The following BARX2 variants were observed in gnomAD, a reference collection of about 807,000 sequenced individuals.
BARX2 encodes the protein BARX homeobox 2.
In BARX2, 11 loss-of-function variants were observed where a neutral mutation model predicts 25.5. The observed-to-expected ratio is 0.43, with a 90% CI of 0.27 to 0.71. The LOEUF (loss-of-function observed/expected upper bound fraction) is 0.71. BARX2 is among the 30% of genes least tolerant of loss of function. The probability of loss-of-function intolerance (pLI) is 0.19; values close to 1 mark genes in which losing one functional copy is unlikely to be tolerated. For missense variants in BARX2, 360 were observed against 359.9 expected, an observed-to-expected ratio of 1.00 and a Z score of 0.00; for synonymous variants, 137 against 149.5, an observed-to-expected ratio of 0.92 and a Z score of 0.61.
intron 1 of BARX2, among the ~76,000 whole-genome samples, chr11:129,409,844 A>G (rs1242329327): frequency 6.6e-6 from 1 of 152,126 alleles, no homozygotes; most frequent in Non-Finnish European, 1.5e-5. Flanking sequence ...ATATTCTGTT[A>G]TAGTCTTTTA....
chr11:129,430,950 T>C (rs986173785), intron 1 of BARX2, among the ~76,000 whole-genome samples: 1 of 152,102 alleles, frequency 6.6e-6, no homozygotes, highest in African/African-American at 2.4e-5. Flanking sequence ...CAACCTTCAC[T>C]TCCCGGGTTC....
chr11:129,420,799 A>G (rs1224012299), intron 1 of BARX2, among the ~76,000 whole-genome samples: 1 of 152,248 alleles, frequency 6.6e-6, no homozygotes, highest in East Asian at 1.9e-4. Flanking sequence ...TGTGCAAAGT[A>G]CAGGAAGAAC....
intron 1 of BARX2, among the ~76,000 whole-genome samples, chr11:129,433,426 C>T (rs1303000278): frequency 6.6e-6 from 1 of 152,152 alleles, no homozygotes; most frequent in Non-Finnish European, 1.5e-5. Flanking sequence ...ATCATGTCCT[C>T]CCTCAGCTCA....
chr11:129,443,621 T>C (rs1862289573), intron 3 of BARX2, among the ~76,000 whole-genome samples: 2 of 152,162 alleles, frequency 1.3e-5, no homozygotes, highest in South Asian at 4.1e-4. Flanking sequence ...ATGACCACAG[T>C]TTCCATCATC....
chr11:129,437,173 A>G (rs1330391235), intron 2 of BARX2, 122 bp downstream of exon 2: 2 of 1,105,842 alleles, frequency 1.8e-6, no homozygotes, highest in Non-Finnish European at 2.4e-6. Flanking sequence ...GGCGGAGTCC[A>G]CTCCTTGGCT....
intron 1 of BARX2, among the ~76,000 whole-genome samples, chr11:129,392,898 A>C (rs1861680121): frequency 6.6e-6 from 1 of 152,162 alleles, no homozygotes; most frequent in Non-Finnish European, 1.5e-5. Flanking sequence ...GGTGTGAGCC[A>C]CTGCGCCCGG....
upstream of BARX2, among the ~76,000 whole-genome samples, chr11:129,375,597 G>C (rs1322338702): frequency 6.6e-6 from 1 of 152,062 alleles, no homozygotes; most frequent in Non-Finnish European, 1.5e-5. The surrounding 1 kb of genome is among the most constrained non-coding windows in gnomAD (Gnocchi z 4.0). Context: ...CGGGGGGGAG[G>C]GGGAGGAGAG....
At chr11:129,447,010 C>T (rs373481536) in intron 3 of BARX2, among the ~76,000 whole-genome samples, 9 of 152,150 alleles carry the variant, frequency 5.9e-5, no homozygotes, top group Non-Finnish European at 1.3e-4. Flanking sequence ...AATAACCAGA[C>T]GTAGAACAGT....
At chr11:129,440,355 C>T (rs1591447436) in intron 2 of BARX2, among the ~76,000 whole-genome samples, 1 of 152,214 alleles carries the variant, frequency 6.6e-6, no homozygotes, top group African/African-American at 2.4e-5. Context: ...TTGACTAATG[C>T]ACCTGATGGC....
At chr11:129,449,823 A>C (rs1477264744) in intron 3 of BARX2, among the ~76,000 whole-genome samples, 2 of 152,192 alleles carry the variant, frequency 1.3e-5, no homozygotes, top group African/African-American at 4.8e-5. Context: ...GTAAACATGC[A>C]GTGACCATAG....
intron 1 of BARX2, among the ~76,000 whole-genome samples, chr11:129,388,864 A>G (rs957356020): frequency 6.6e-6 from 1 of 152,204 alleles, no homozygotes. Context: ...TGGGGTTTTG[A>G]GTCAGACGGT....
rs535374331 is a variant in BARX2, at chr11:129,437,042, C to A, written c.479C>A (p.Thr160Asn). The stretch of plus-strand genomic sequence containing the variant: ...TTCCAGAAGCAGAAGTATTTGTCAA[C>A]CCCAGACAGGTGAGGACGCAGGGAA... ...KKFQKQKYLSTPDRLDLAQSL... is the reference protein window; with the variant it reads ...KKFQKQKYLSNPDRLDLAQSL... The change falls in exon 2 of 4, where the codon ACC (threonine) becomes AAC (asparagine). Residue 160 changes from threonine to asparagine, a missense_variant. Coordinates refer to ENST00000281437, the MANE Select transcript of BARX2 (RefSeq NM_003658.5). The A allele has an allele frequency of 1.3e-6, 2 of 1,570,650 alleles. No individual in the cohort carries two copies. The highest frequency in any genetic ancestry group is 2.4e-5 in the South Asian group (2 of 85,102).
At chr11:129,438,303 CAG>C (rs1862216538) in intron 2 of BARX2, 2 of 132,422 alleles carry the variant, frequency 1.5e-5, no homozygotes, top group South Asian at 4.7e-4. Context: ...GCCTGGGCAA[CAG>C]AGCGAGACTC....
intron 1 of BARX2, among the ~76,000 whole-genome samples, chr11:129,422,184 A>G (rs1862012125): frequency 6.6e-6 from 1 of 152,164 alleles, no homozygotes; most frequent in Admixed American, 6.5e-5. Context: ...CAGCCCCTCA[A>G]CACTCTTTAT....
chr11:129,435,982 C>G (rs1862183915), intron 1 of BARX2, among the ~76,000 whole-genome samples: 1 of 152,206 alleles, frequency 6.6e-6, no homozygotes, highest in Non-Finnish European at 1.5e-5. Flanking sequence ...CTCTGGCCAG[C>G]CTGAGAATCC....
intron 1 of BARX2, among the ~76,000 whole-genome samples, chr11:129,423,078 G>A (rs1261670479): frequency 1.3e-5 from 2 of 151,482 alleles, no homozygotes; most frequent in South Asian, 2.1e-4. Context: ...ATTTAAGTCA[G>A]GATTAGAATG....
Position 129,451,431 on chromosome 11 carries a change from A to T in BARX2, c.*29A>T, listed in dbSNP as rs529916322. The T allele has an allele frequency of 1.1e-5, 17 of 1,599,208 alleles. No homozygotes were observed. Among genetic ancestry groups the T allele is most frequent in the Non-Finnish European group, 1.4e-5 (16 of 1,169,682 alleles). On this transcript the variant is annotated 3_prime_UTR_variant, in exon 4 of 4. Transcript: ENST00000281437. Reference sequence around the variant, plus strand: ...AAAACCCTTTTGAGGGAAGAGGGAGACTGGGGAGAAGGGAAAAGAGAGAAG... The same window carrying T: ...AAAACCCTTTTGAGGGAAGAGGGAGTCTGGGGAGAAGGGAAAAGAGAGAAG...
At position 129,376,551 on chromosome 11, in the gene BARX2, GT is replaced by G. The variant is rs1565506484; in HGVS notation, c.187+332del. ...GAGCAGGTTCAGCGTCTAAATCGTT[GT>G]TTCAGGAAGTGGTGGTGTGTGTGAA... On this transcript the variant is annotated intron_variant, in intron 1 of 3. Transcript: ENST00000281437. The surrounding 1 kb of genome is among the most constrained non-coding windows in gnomAD (Gnocchi z 4.2). Among the ~76,000 whole-genome samples, 1 of 152,214 alleles carries G rather than the reference GT, an allele frequency of 6.6e-6. No individual in the cohort carries two copies. The highest frequency in any genetic ancestry group is 6.5e-5 in the Admixed American group (1 of 15,290).
chr11:129,438,755 G>A (rs565171277), intron 2 of BARX2, among the ~76,000 whole-genome samples: 1 of 152,330 alleles, frequency 6.6e-6, no homozygotes, highest in South Asian at 2.1e-4. Context: ...GGGAAGGAAC[G>A]ACTACAGGAA....
Sources: gnomAD v4.1 joint callset for allele counts (sites outside exome capture counted in the v4.1 genomes callset) on GRCh38, gnomAD v4.1.1 for gene constraint, Gnocchi (gnomAD v3.1) non-coding constraint, MANE v1.5 for transcripts, NCBI Gene and HGNC (gene_info 2026-07-23, HGNC 2026-07-21) for gene names.